DGLUCY: variants seen among roughly 807,000 people sequenced by gnomAD.
The protein encoded by DGLUCY is D-glutamate cyclase, mitochondrial.
In DGLUCY, 58 loss-of-function variants were observed where a neutral mutation model predicts 58.5. The ratio of observed to expected loss-of-function variants is 0.99; its 90% confidence interval spans 0.80 to 1.23. DGLUCY has a LOEUF of 1.23. DGLUCY is among the 50% of genes most tolerant of loss of function. The probability of loss-of-function intolerance (pLI) is 0.00; values close to 1 mark genes in which losing one functional copy is unlikely to be tolerated. For synonymous variants in DGLUCY, 325 were observed against 314.1 expected (o/e 1.03, Z -0.37); for missense variants, 779 against 784.7 (o/e 0.99, Z 0.09).
rs113548261 is a variant in DGLUCY at position 91,208,689 on chromosome 14, C to T, written c.1564+3864C>T. ...ACCTGAGCCTGGGAGGTTGAGGCTG[C>T]GGTGAGCCATGATTGTGCCACTATA... On this transcript the variant is annotated intron_variant, in intron 12 of 13. Transcript: ENST00000256324. Among the ~76,000 whole-genome samples the T allele has an allele frequency of 4.1e-3, 626 of 152,090 alleles. 1 individual carries two copies. Among genetic ancestry groups the T allele is most frequent in the Middle Eastern group, 0.02 (6 of 294 alleles).
At chr14:91,111,124 G>A (rs1478328738), upstream of DGLUCY, among the ~76,000 whole-genome samples, 3 of 151,666 alleles carry the variant, frequency 2.0e-5, no homozygotes, top group Non-Finnish European at 4.4e-5. Flanking sequence ...TCACTGTTCC[G>A]GAGATTGGGA....
chr14:91,180,930 G>A (rs1484711030), intron 7 of DGLUCY, among the ~76,000 whole-genome samples: 3 of 152,232 alleles, frequency 2.0e-5, no homozygotes, highest in Non-Finnish European at 2.9e-5. Flanking sequence ...AGCTATAGCT[G>A]TGGCTGTATC....
intron 7 of DGLUCY, among the ~76,000 whole-genome samples, chr14:91,180,358 G>A (rs945173015): frequency 1.3e-5 from 2 of 151,598 alleles, no homozygotes; most frequent in Non-Finnish European, 2.9e-5. Flanking sequence ...GATCACCTGA[G>A]GTCAGGAGTT....
intron 1 of DGLUCY, among the ~76,000 whole-genome samples, chr14:91,135,159 C>T (rs766593405): frequency 1.1e-4 from 16 of 152,064 alleles, no homozygotes; most frequent in Non-Finnish European, 2.1e-4. Context: ...CTCCTGAGAT[C>T]AAGCAATCCT....
At chr14:91,157,230 G>GAT (rs57675642) in intron 1 of DGLUCY, among the ~76,000 whole-genome samples, 21 of 141,230 alleles carry the variant, frequency 1.5e-4, no homozygotes, top group African/African-American at 5.6e-4. Context: ...TGGATGGATG[G>GAT]GTGGATGGAT....
At chr14:91,151,718 G>A (rs1452634303) in intron 1 of DGLUCY, among the ~76,000 whole-genome samples, 5 of 148,774 alleles carry the variant, frequency 3.4e-5, no homozygotes, top group Admixed American at 6.7e-5. Context: ...GCAGTGGTGC[G>A]ATCTTGGCTC....
At chr14:91,148,484 G>T (rs2047132427) in intron 1 of DGLUCY, 1 of 151,540 alleles carries the variant, frequency 6.6e-6, no homozygotes, top group South Asian at 2.1e-4. Context: ...GGGATTATAG[G>T]CATGAGCCAC....
At chr14:91,180,238 A>G (rs2049093580) in intron 7 of DGLUCY, among the ~76,000 whole-genome samples, 1 of 151,982 alleles carries the variant, frequency 6.6e-6, no homozygotes, top group Non-Finnish European at 1.5e-5. Context: ...GACAATAGCC[A>G]TATGAGGCAT....
intron 1 of DGLUCY, among the ~76,000 whole-genome samples, chr14:91,128,073 C>T (rs2140180310): frequency 6.6e-6 from 1 of 152,036 alleles, no homozygotes; most frequent in East Asian, 1.9e-4. Context: ...CCACCTTACA[C>T]CCACCTCAAC....
At chr14:91,183,774 C>T (rs1276021789) in intron 8 of DGLUCY, among the ~76,000 whole-genome samples, 1 of 152,206 alleles carries the variant, frequency 6.6e-6, no homozygotes, top group African/African-American at 2.4e-5. Flanking sequence ...GAACCCATGT[C>T]TGCTGACTTC....
intron 1 of DGLUCY, among the ~76,000 whole-genome samples, chr14:91,100,873 C>A (rs1024886301): frequency 6.6e-6 from 1 of 152,122 alleles, no homozygotes; most frequent in Non-Finnish European, 1.5e-5. Flanking sequence ...GAGTTCAAGA[C>A]CAGCCTGGCC....
At chr14:91,187,044 G>A (rs1013626338) in intron 8 of DGLUCY, among the ~76,000 whole-genome samples, 1 of 151,946 alleles carries the variant, frequency 6.6e-6, no homozygotes, top group African/African-American at 2.4e-5. Flanking sequence ...CTGTCACCCA[G>A]GTTGGAGTGC....
intron 13 of DGLUCY, among the ~76,000 whole-genome samples, chr14:91,221,264 C>T (rs894054409): frequency 6.6e-6 from 1 of 152,166 alleles, no homozygotes; most frequent in African/African-American, 2.4e-5. Flanking sequence ...AGTGAGGGGC[C>T]AAAGAGTGAG....
At chr14:91,117,358 G>A (rs138857258) in intron 1 of DGLUCY, among the ~76,000 whole-genome samples, 167 of 152,236 alleles carry the variant, frequency 1.1e-3, no homozygotes, top group African/African-American at 3.9e-3. Flanking sequence ...GACTAGGAAT[G>A]CCTAAGTTCC....
At chr14:91,096,484 A>G (rs1219549106) in intron 1 of DGLUCY, among the ~76,000 whole-genome samples, 1 of 151,740 alleles carries the variant, frequency 6.6e-6, no homozygotes, top group African/African-American at 2.4e-5. Flanking sequence ...GGGGAGTGCG[A>G]CCCTCTCACT....
At chr14:91,214,623 A>G (rs1313142349) in intron 12 of DGLUCY, among the ~76,000 whole-genome samples, 2 of 151,980 alleles carry the variant, frequency 1.3e-5, no homozygotes, top group African/African-American at 2.4e-5. Flanking sequence ...TTTTTTTCTG[A>G]TGGTCATTAG....
At chr14:91,220,782 G>A (rs766958937) in intron 13 of DGLUCY, 1 of 427,532 alleles carries the variant, frequency 2.3e-6, no homozygotes, top group Non-Finnish European at 4.8e-6. Context: ...GTCATTGCCT[G>A]TGCCAGAGCC....
At chr14:91,205,374 C>T (rs1884387795) in intron 12 of DGLUCY, among the ~76,000 whole-genome samples, 1 of 152,174 alleles carries the variant, frequency 6.6e-6, no homozygotes, top group Non-Finnish European at 1.5e-5. Context: ...CCCGCAGGAC[C>T]CACCTTTCCT....
chr14:91,223,418 C>T (rs1887793224), intron 13 of DGLUCY, among the ~76,000 whole-genome samples: 2 of 152,174 alleles, frequency 1.3e-5, no homozygotes, highest in South Asian at 4.1e-4. Context: ...TAGGTCCCCT[C>T]CTCTCACCTC....
Sources: allele counts gnomAD v4.1 joint callset (sites outside exome capture counted in the v4.1 genomes callset), GRCh38; gene constraint gnomAD v4.1.1; transcripts MANE v1.5; gene names NCBI Gene and HGNC (gene_info 2026-07-23, HGNC 2026-07-21).